CCDC60: variants seen among roughly 807,000 people sequenced by gnomAD.
CCDC60 encodes coiled-coil domain containing 60.
In CCDC60, 54 loss-of-function variants were observed where a neutral mutation model predicts 63.5. That is an observed-to-expected ratio of 0.85 (90% CI 0.68 to 1.07). CCDC60 has a LOEUF of 1.07. Among genes scored for constraint, CCDC60 ranks in the 50% least tolerant of loss-of-function variants. The probability of loss-of-function intolerance (pLI) is 0.00; values close to 1 mark genes in which losing one functional copy is unlikely to be tolerated. For synonymous variants in CCDC60, 206 were observed against 238.8 expected, an observed-to-expected ratio of 0.86 and a Z score of 1.27; for missense variants, 651 against 684.3, an observed-to-expected ratio of 0.95 and a Z score of 0.54.
chr12:119,481,997 T>TATATA (rs1491219462), intron 4 of CCDC60, among the ~76,000 whole-genome samples: 7,396 of 108,756 alleles, frequency 0.068, 244 homozygotes, highest in Non-Finnish European at 0.09. Flanking sequence ...TATATATATA[T>TATATA]GTATATATAG....
chr12:119,335,203 G>A lies in CCDC60; in HGVS notation c.27G>A (p.Lys9=). The A allele has an allele frequency of 6.2e-7, 1 of 1,607,370 alleles. No individual in the cohort carries two copies. Among genetic ancestry groups the A allele is most frequent in the Non-Finnish European group, 8.5e-7 (1 of 1,177,398 alleles). MTKVPATK[K]LQSSPNSGAV... is the part of the protein sequence containing the mutation. Reference sequence around the variant, plus strand: ...TGACCAAGGTTCCAGCCACCAAGAAGCTTCAGAGTTCCCCCAACTCGGGGG... The same window carrying A: ...TGACCAAGGTTCCAGCCACCAAGAAACTTCAGAGTTCCCCCAACTCGGGGG... The change falls in exon 1 of 14, where the codon AAG becomes AAA. Residue 9 remains lysine, a synonymous_variant. Coordinates refer to ENST00000327554, the MANE Select transcript of CCDC60 (RefSeq NM_178499.5).
chr12:119,408,865 T>C (rs12371440), intron 1 of CCDC60, among the ~76,000 whole-genome samples: 11,366 of 152,038 alleles, frequency 0.075, 553 homozygotes, highest in Middle Eastern at 0.16. Flanking sequence ...CGCAATGACA[T>C]TGGCACCAAC....
At chr12:119,449,638 T>C (rs1273318510) in intron 2 of CCDC60, among the ~76,000 whole-genome samples, 1 of 152,232 alleles carries the variant, frequency 6.6e-6, no homozygotes, top group Non-Finnish European at 1.5e-5. Flanking sequence ...AGTCTCTATG[T>C]GCTAGTCACT....
At chr12:119,489,834 T>C (rs1951542576) in intron 5 of CCDC60, among the ~76,000 whole-genome samples, 1 of 151,880 alleles carries the variant, frequency 6.6e-6, no homozygotes, top group South Asian at 2.1e-4. Context: ...AGTCTTGCTC[T>C]GTCACCAGGC....
At chr12:119,370,636 A>G (rs1218838780) in intron 1 of CCDC60, among the ~76,000 whole-genome samples, 1 of 152,124 alleles carries the variant, frequency 6.6e-6, no homozygotes, top group East Asian at 1.9e-4. Flanking sequence ...CTCACCAACA[A>G]CCTAGGCCTT....
intron 4 of CCDC60, among the ~76,000 whole-genome samples, chr12:119,482,915 C>T (rs941336306): frequency 6.6e-6 from 1 of 152,080 alleles, no homozygotes; most frequent in African/African-American, 2.4e-5. Flanking sequence ...GAATGTCTCT[C>T]AATACCCAGC....
At chr12:119,519,839 G>GGAGA (rs748120101) in intron 8 of CCDC60, among the ~76,000 whole-genome samples, 2 of 147,644 alleles carry the variant, frequency 1.4e-5, no homozygotes, top group Admixed American at 6.8e-5. Flanking sequence ...GGGAATTTTA[G>GGAGA]GAGAGAGAGA....
intron 13 of CCDC60, among the ~76,000 whole-genome samples, chr12:119,532,135 C>A (rs914729714): frequency 1.2e-4 from 18 of 152,140 alleles, no homozygotes; most frequent in Admixed American, 9.8e-4. Flanking sequence ...AATGCCAAGA[C>A]TCTACTCCCC....
intron 2 of CCDC60, among the ~76,000 whole-genome samples, chr12:119,453,567 T>C (rs1950672837): frequency 6.6e-6 from 1 of 152,190 alleles, no homozygotes; most frequent in South Asian, 2.1e-4. Flanking sequence ...GGCAATTTAC[T>C]AAATCCCCAA....
intron 2 of CCDC60, among the ~76,000 whole-genome samples, chr12:119,439,076 C>T (rs1034781252): frequency 1.4e-5 from 2 of 146,408 alleles, no homozygotes; most frequent in Non-Finnish European, 3.0e-5. Context: ...AGAATACATG[C>T]TCCTCATCAT....
chr12:119,353,857 G>C (rs1955688293), intron 1 of CCDC60, among the ~76,000 whole-genome samples: 1 of 152,068 alleles, frequency 6.6e-6, no homozygotes, highest in South Asian at 2.1e-4. Flanking sequence ...TGGATCGCCT[G>C]AGGTCCAGAG....
chr12:119,502,701 T>C (rs948819811), intron 6 of CCDC60, among the ~76,000 whole-genome samples: 2 of 152,262 alleles, frequency 1.3e-5, no homozygotes, highest in African/African-American at 4.8e-5. Context: ...CCCCTGGATA[T>C]GGAAGGCTCT....
chr12:119,381,606 G>C (rs1956008447), intron 1 of CCDC60, among the ~76,000 whole-genome samples: 1 of 152,116 alleles, frequency 6.6e-6, no homozygotes, highest in South Asian at 2.1e-4. Flanking sequence ...GCCTTCCTGT[G>C]CACCAGGCAC....
At chr12:119,528,792 G>C in intron 12 of CCDC60, 46 bp downstream of exon 12, 5 of 1,580,590 alleles carry the variant, frequency 3.2e-6, no homozygotes, top group Non-Finnish European at 4.3e-6. Context: ...GAAGAGAACA[G>C]GGTGTTGTTA....
intron 1 of CCDC60, among the ~76,000 whole-genome samples, chr12:119,360,167 C>T (rs961086250): frequency 6.0e-5 from 8 of 132,598 alleles, no homozygotes; most frequent in African/African-American, 1.9e-4. Context: ...GGGGGGCTGA[C>T]CCCCCCCCAC....
intron 1 of CCDC60, among the ~76,000 whole-genome samples, chr12:119,370,893 A>T (rs1305942937): frequency 6.6e-6 from 1 of 152,122 alleles, no homozygotes; most frequent in African/African-American, 2.4e-5. Context: ...TTAGCCAGGT[A>T]TAGTGGCACA....
chr12:119,403,423 G>A (rs1039495491), intron 1 of CCDC60, among the ~76,000 whole-genome samples: 6 of 152,128 alleles, frequency 3.9e-5, no homozygotes, highest in South Asian at 4.1e-4. Context: ...CAGATTTCCT[G>A]GGCTTGGAGT....
At chr12:119,380,251 T>C (rs143469706) in intron 1 of CCDC60, among the ~76,000 whole-genome samples, 3 of 152,364 alleles carry the variant, frequency 2.0e-5, no homozygotes, top group Non-Finnish European at 4.4e-5. Context: ...AAGCAGCTCA[T>C]ACTGAACCTA....
At chr12:119,504,137 T>C in intron 6 of CCDC60, among the ~76,000 whole-genome samples, 1 of 152,186 alleles carries the variant, frequency 6.6e-6, no homozygotes, top group East Asian at 1.9e-4. Context: ...ACTTTTGAAG[T>C]ATTTTGAAGC....
Sources: gnomAD v4.1 joint callset for allele counts (sites outside exome capture counted in the v4.1 genomes callset) on GRCh38, gnomAD v4.1.1 for gene constraint, MANE v1.5 for transcripts, NCBI Gene and HGNC (gene_info 2026-07-23, HGNC 2026-07-21) for gene names.